The following SIN3B variants were observed in gnomAD, a reference collection of about 807,000 sequenced individuals.
SIN3B encodes the protein SIN3 transcription regulator family member B.
Under a neutral mutation model 120.2 loss-of-function variants are expected in SIN3B, and 19 were observed. That is an observed-to-expected ratio of 0.16 (90% confidence interval 0.11 to 0.23). The LOEUF is 0.23. SIN3B is among the 10% of genes least tolerant of loss of function. SIN3B has a pLI of 1.00. For synonymous variants in SIN3B, 654 were observed against 653.2 expected (o/e 1.00, Z -0.02); for missense variants, 1,073 against 1,573.0 (o/e 0.68, Z 5.38).
At chr19:16,851,949 C>T (rs1181453250) in intron 6 of SIN3B, among the ~76,000 whole-genome samples, 2 of 152,270 alleles carry the variant, frequency 1.3e-5, no homozygotes, top group South Asian at 2.1e-4. Context: ...GGTGGTTTTC[C>T]GATTCCATTA....
intron 14 of SIN3B, among the ~76,000 whole-genome samples, chr19:16,873,443 G>A (rs1344684048): frequency 6.6e-6 from 1 of 152,112 alleles, no homozygotes; most frequent in South Asian, 2.1e-4. Context: ...GGGCAGCCTG[G>A]AGAGAGGACA....
intron 3 of SIN3B, among the ~76,000 whole-genome samples, chr19:16,832,659 G>A (rs1971295057): frequency 6.6e-6 from 1 of 151,750 alleles, no homozygotes; most frequent in African/African-American, 2.4e-5. Context: ...CACCACCACG[G>A]CCAGCTAATT....
At chr19:16,850,864 G>T (rs2144594170) in intron 5 of SIN3B, among the ~76,000 whole-genome samples, 1 of 152,312 alleles carries the variant, frequency 6.6e-6, no homozygotes, top group South Asian at 2.1e-4. Flanking sequence ...AGCCTGGGAG[G>T]CAGGCCCCGA....
chr19:16,838,390 G>A (rs1034619546), intron 3 of SIN3B, among the ~76,000 whole-genome samples: 1 of 152,074 alleles, frequency 6.6e-6, no homozygotes, highest in Non-Finnish European at 1.5e-5. Flanking sequence ...CTGTCTTTAT[G>A]GATTTGCCCG....
chr19:16,842,497 C>T (rs186789094), intron 4 of SIN3B, among the ~76,000 whole-genome samples: 1 of 151,464 alleles, frequency 6.6e-6, no homozygotes, highest in Non-Finnish European at 1.5e-5. Flanking sequence ...GCCTTGACCT[C>T]CTGGGCTCAA....
At chr19:16,877,939 G>A (rs113346439) in intron 17 of SIN3B, among the ~76,000 whole-genome samples, 1,741 of 152,284 alleles carry the variant, frequency 0.011, 30 homozygotes, top group African/African-American at 0.038. Flanking sequence ...GGCCAGAGGC[G>A]GGTGGCTGTG....
intron 3 of SIN3B, among the ~76,000 whole-genome samples, chr19:16,835,431 G>C (rs918497161): frequency 2.9e-4 from 43 of 147,656 alleles, no homozygotes; most frequent in African/African-American, 1.0e-3. Context: ...ATTTCACCAT[G>C]TTGGTCAGGC....
At chr19:16,878,462 C>T (rs2051641942) in intron 18 of SIN3B, 35 bp from the exon 19 acceptor site, 19 of 1,563,564 alleles carry the variant, frequency 1.2e-5, no homozygotes, top group Non-Finnish European at 1.6e-5. Flanking sequence ...GGGGGTCCAG[C>T]CCTCAGCTGC....
chr19:16,878,329 T>A lies in SIN3B; in HGVS notation c.3101T>A (p.Val1034Glu). The A allele has an allele frequency of 1.2e-6, 2 of 1,612,398 alleles. No individual in the cohort carries two copies. The highest frequency in any genetic ancestry group is 1.7e-6 in the Non-Finnish European group (2 of 1,179,638). The stretch of plus-strand genomic sequence containing the variant: ...TTCAAGCTCAGCACTCACAAGATGG[T>A]GTTCATCGTGAACTCCGAGGACTAC... ...CRFKLSTHKMVFIVNSEDYMY... is the reference protein window; with the variant it reads ...CRFKLSTHKMEFIVNSEDYMY... The change falls in exon 18 of 19, where the codon GTG (valine) becomes GAG (glutamate). Residue 1034 changes from valine (V) to glutamate (E), a missense_variant. Transcript: ENST00000248054.
intron 14 of SIN3B, among the ~76,000 whole-genome samples, chr19:16,874,780 G>T (rs1287065090): frequency 6.6e-6 from 1 of 150,878 alleles, no homozygotes; most frequent in African/African-American, 2.4e-5. Flanking sequence ...TTTTGGTTTG[G>T]TCTGGTTTGG....
At chr19:16,850,629 C>T (rs896130476) in intron 5 of SIN3B, among the ~76,000 whole-genome samples, 19 of 152,108 alleles carry the variant, frequency 1.2e-4, no homozygotes, top group African/African-American at 3.6e-4. Context: ...CAGGGGAAGG[C>T]GGAGTACGAT....
intron 14 of SIN3B, chr19:16,872,630 G>C (rs2051526883): frequency 6.6e-6 from 1 of 152,122 alleles, no homozygotes; most frequent in Non-Finnish European, 1.5e-5. Context: ...TTTTAGTAGA[G>C]AGGGGGTTTC....
chr19:16,865,181 C>G (rs1971747499), intron 10 of SIN3B: 4 of 528,374 alleles, frequency 7.6e-6, no homozygotes, highest in Non-Finnish European at 1.4e-5. Context: ...ATATTCCTAG[C>G]TACGTGGGAG....
Position 16,876,671 on chromosome 19 carries a change from G to A in SIN3B, c.2859+93G>A, listed in dbSNP as rs1454198455. 1.0e-6 allele frequency: 1 copy of A among 986,186 alleles called. No homozygotes were observed. The highest frequency in any genetic ancestry group is 2.6e-5 in the East Asian group (1 of 39,116). 61.1% of individuals were successfully genotyped at this position (986,186 alleles called of 1,614,324 possible). A position where few individuals can be genotyped will look rare whatever the true frequency, so the allele number is the denominator to read the frequency against. On this transcript the variant is annotated intron_variant, in intron 16 of 18. Transcript: ENST00000248054. This position sits in a 1 kb window ranked among gnomAD's most constrained non-coding sequence, Gnocchi z 7.1. ...CCACCAGCCAAGCGCAGGCCGCGCAGCATCCAGAGACCCTCCCTCTGCAGG... is the reference window on the plus strand; with the variant it reads ...CCACCAGCCAAGCGCAGGCCGCGCAACATCCAGAGACCCTCCCTCTGCAGG...
Position 16,871,422 on chromosome 19 carries a change from G to A in SIN3B, c.2592+24G>A, listed in dbSNP as rs776775074. 79 of 1,576,808 alleles carry A rather than the reference G, an allele frequency of 5.0e-5. No individual in the cohort carries two copies. In the Admixed American group the frequency reaches 5.5e-4, roughly 11 times the overall value. On this transcript the variant is annotated intron_variant, in intron 14 of 18. Coordinates refer to ENST00000248054, the MANE Select transcript of SIN3B (RefSeq NM_001297595.2). ...AGGTGAGCCGGGCCGGGGTGGGGCCGGCCCTGAGGACGGCGGAAATGGCTC... is the reference window on the plus strand; with the variant it reads ...AGGTGAGCCGGGCCGGGGTGGGGCCAGCCCTGAGGACGGCGGAAATGGCTC...
At chr19:16,878,443 T>C in intron 18 of SIN3B, 53 bp downstream of exon 18, 1 of 1,578,208 alleles carries the variant, frequency 6.3e-7, no homozygotes, top group Non-Finnish European at 8.6e-7. Flanking sequence ...CCCCAAGTCC[T>C]GGGGCCCTGG....
At chr19:16,833,424 G>T (rs1192266890) in intron 3 of SIN3B, among the ~76,000 whole-genome samples, 1 of 151,940 alleles carries the variant, frequency 6.6e-6, no homozygotes, top group Non-Finnish European at 1.5e-5. Flanking sequence ...ACAAGGTCAG[G>T]AGTTCAAGAC....
At chr19:16,877,119 A>C in intron 16 of SIN3B, 1 of 225,774 alleles carries the variant, frequency 4.4e-6, no homozygotes, top group Non-Finnish European at 8.8e-6. Flanking sequence ...TTACTCAGCT[A>C]GGCCAACCCC....
chr19:16,872,518 A>G (rs2051525055), intron 14 of SIN3B: 1 of 151,314 alleles, frequency 6.6e-6, no homozygotes, highest in Non-Finnish European at 1.5e-5. Context: ...ATCTCTGCTC[A>G]CAGCAACCTC....
Sources: gnomAD v4.1 joint callset for allele counts (sites outside exome capture counted in the v4.1 genomes callset) on GRCh38, gnomAD v4.1.1 for gene constraint, Gnocchi (gnomAD v3.1) non-coding constraint, MANE v1.5 for transcripts, NCBI Gene and HGNC (gene_info 2026-07-23, HGNC 2026-07-21) for gene names.